Variants in SNX29 observed in about 807,000 individuals in gnomAD.
The protein encoded by SNX29 is sorting nexin 29, also known as sorting nexin-29.
In SNX29, 78 loss-of-function variants were observed where a neutral mutation model predicts 102.1. The observed-to-expected ratio is 0.76, with a 90% confidence interval of 0.64 to 0.92. The LOEUF is 0.92. Among genes scored for constraint, SNX29 ranks in the 40% least tolerant of loss-of-function variants. The pLI is 0.00. For missense variants in SNX29, 1,280 were observed against 1,061.7 expected (o/e 1.21, Z -2.86); for synonymous variants, 580 against 414.5 (o/e 1.40, Z -4.85).
Position 12,157,216 on chromosome 16 carries a change from G to A in SNX29, c.1595+27458G>A, listed in dbSNP as rs185426154. ...ATCCACCCCCCATAGGCTGATGGTTGTCCCCTCAAGGTGCTGGCTGTCTCC... is the reference window on the plus strand; with the variant it reads ...ATCCACCCCCCATAGGCTGATGGTTATCCCCTCAAGGTGCTGGCTGTCTCC... On this transcript the variant is annotated intron_variant, in intron 13 of 20. Coordinates refer to ENST00000566228, the MANE Select transcript of SNX29 (RefSeq NM_032167.5). 5.3e-5 allele frequency among the ~76,000 whole-genome samples: 8 copies of A among 152,254 alleles called. No individual in the cohort carries two copies. In the East Asian group the frequency reaches 1.5e-3, roughly 29 times the overall value.
At chr16:12,357,003 G>A (rs1567473481) in intron 16 of SNX29, among the ~76,000 whole-genome samples, 1 of 152,206 alleles carries the variant, frequency 6.6e-6, no homozygotes, top group East Asian at 1.9e-4. Context: ...GAATGAAATA[G>A]CACAATATTT....
At chr16:12,464,874 G>A (rs377010654) in intron 18 of SNX29, among the ~76,000 whole-genome samples, 19 of 152,238 alleles carry the variant, frequency 1.2e-4, no homozygotes, top group African/African-American at 2.6e-4. Flanking sequence ...TGCCAATAGC[G>A]TACAAGAGTT....
intron 16 of SNX29, among the ~76,000 whole-genome samples, chr16:12,389,704 T>C (rs1279762507): frequency 1.3e-5 from 2 of 152,126 alleles, no homozygotes; most frequent in Non-Finnish European, 2.9e-5. Flanking sequence ...GTAGGGGTAA[T>C]GGGTCAAAGT....
intron 11 of SNX29, among the ~76,000 whole-genome samples, chr16:12,123,081 C>A (rs1224640673): frequency 6.6e-6 from 1 of 152,166 alleles, no homozygotes; most frequent in African/African-American, 2.4e-5. Context: ...CCTGCCTCAG[C>A]CTCCAAAGGG....
At chr16:12,102,827 A>G (rs1344787778) in intron 11 of SNX29, among the ~76,000 whole-genome samples, 2 of 152,236 alleles carry the variant, frequency 1.3e-5, no homozygotes, top group Non-Finnish European at 2.9e-5. Flanking sequence ...GTCTCAGCCC[A>G]AGATCTCCTT....
At chr16:12,500,817 G>C (rs942797479) in intron 19 of SNX29, among the ~76,000 whole-genome samples, 8 of 152,196 alleles carry the variant, frequency 5.3e-5, no homozygotes, top group Non-Finnish European at 1.0e-4. Context: ...AAGCACTGTT[G>C]TGTGTCATTT....
chr16:12,523,644 C>T (rs1339324913), intron 19 of SNX29, among the ~76,000 whole-genome samples: 1 of 152,154 alleles, frequency 6.6e-6, no homozygotes, highest in Non-Finnish European at 1.5e-5. Context: ...CCAGTGTGGA[C>T]CCTCTGTGAC....
rs538551326 is a variant in SNX29 at position 12,400,449 on chromosome 16, G to A, written c.1955+1948G>A. 6.6e-5 allele frequency among the ~76,000 whole-genome samples: 10 copies of A among 152,260 alleles called. No individual in the cohort carries two copies. The East Asian group carries it at 1.5e-3, about 23-fold the overall frequency. Reference sequence around the variant, plus strand: ...TCCTCACGGATGATGAAATTGAGCCGGGTTTCAAACCCAGGCAGTGCTGGT... The same window carrying A: ...TCCTCACGGATGATGAAATTGAGCCAGGTTTCAAACCCAGGCAGTGCTGGT... On this transcript the variant is annotated intron_variant, in intron 17 of 20. Coordinates refer to ENST00000566228, the MANE Select transcript of SNX29 (RefSeq NM_032167.5).
chr16:12,515,600 C>G (rs574394386), intron 19 of SNX29: 11 of 488,840 alleles, frequency 2.3e-5, no homozygotes, highest in Non-Finnish European at 4.1e-5. Flanking sequence ...CAGGTGACCT[C>G]CGAAGTCACC....
chr16:12,363,394 G>A (rs16959318), intron 16 of SNX29, among the ~76,000 whole-genome samples: 1 of 151,976 alleles, frequency 6.6e-6, no homozygotes, highest in East Asian at 1.9e-4. Flanking sequence ...TGACCACACT[G>A]GATTAGGCTT....
rs202206141 is a variant in SNX29, at chr16:12,571,197, C to CAA, written c.*2569_*2570dup. On this transcript the variant is annotated 3_prime_UTR_variant, in exon 21 of 21. Transcript: ENST00000566228. ...CTAGTGTGGTGGGATGAACTTCAGG[C>CAA]AACAAACAACTGGCAGGGTTCCCAG... 7.7e-3 allele frequency: 1,793 copies of CAA among 232,384 alleles called. 29 individuals are homozygous for CAA. The highest frequency in any genetic ancestry group is 0.036 in the African/African-American group (1,632 of 45,406). 14.4% of individuals were successfully genotyped at this position (232,384 alleles called of 1,614,324 possible). A position where few individuals can be genotyped will look rare whatever the true frequency, so the allele number is the denominator to read the frequency against.
chr16:12,261,788 G>A (rs2078776852), intron 14 of SNX29, among the ~76,000 whole-genome samples: 1 of 131,306 alleles, frequency 7.6e-6, no homozygotes, highest in Admixed American at 8.1e-5. Flanking sequence ...AGTGTTTGCT[G>A]AGCTCGGGTC....
intron 16 of SNX29, among the ~76,000 whole-genome samples, chr16:12,365,014 G>A (rs1471034475): frequency 6.6e-6 from 1 of 151,970 alleles, no homozygotes. Context: ...TTCTTATTAG[G>A]CCCATTTTTC....
chr16:12,538,778 A>G (rs1453787768), intron 20 of SNX29, among the ~76,000 whole-genome samples: 1 of 152,228 alleles, frequency 6.6e-6, no homozygotes, highest in African/African-American at 2.4e-5. Flanking sequence ...AGCATGTCAC[A>G]TCGCCAAGGG....
At chr16:12,368,031 A>G (rs1309028925) in intron 16 of SNX29, among the ~76,000 whole-genome samples, 1 of 152,210 alleles carries the variant, frequency 6.6e-6, no homozygotes, top group South Asian at 2.1e-4. Context: ...AAGTGATCAC[A>G]TGCTCCTTGC....
At chr16:12,203,364 A>C (rs528603907) in intron 14 of SNX29, among the ~76,000 whole-genome samples, 2 of 151,830 alleles carry the variant, frequency 1.3e-5, no homozygotes, top group African/African-American at 2.4e-5. Flanking sequence ...GACTGGTGGC[A>C]TTGGAGGTGA....
chr16:12,377,025 G>C (rs569810194), intron 16 of SNX29, among the ~76,000 whole-genome samples: 2 of 152,266 alleles, frequency 1.3e-5, no homozygotes, highest in East Asian at 3.9e-4. Flanking sequence ...ATGTGGGCAA[G>C]GCTTCCATTG....
chr16:12,499,807 C>T (rs1567626203), intron 19 of SNX29, among the ~76,000 whole-genome samples: 1 of 152,126 alleles, frequency 6.6e-6, no homozygotes, highest in Non-Finnish European at 1.5e-5. Context: ...TCCTGAGTAC[C>T]TGGGGCCACA....
At chr16:12,516,291 G>C (rs1478611956) in intron 19 of SNX29, among the ~76,000 whole-genome samples, 1 of 152,020 alleles carries the variant, frequency 6.6e-6, no homozygotes, top group Non-Finnish European at 1.5e-5. Flanking sequence ...ACCTGCCTGG[G>C]CAACATAGTG....
Sources: allele counts gnomAD v4.1 joint callset (sites outside exome capture counted in the v4.1 genomes callset), GRCh38; gene constraint gnomAD v4.1.1; transcripts MANE v1.5; gene names NCBI Gene and HGNC (gene_info 2026-07-23, HGNC 2026-07-21).